The following OGT variants were observed in gnomAD, a reference collection of about 807,000 sequenced individuals.
OGT encodes the protein UDP-N-acetylglucosamine--peptide N-acetylglucosaminyltransferase 110 kDa subunit.
Under a neutral mutation model 75.8 loss-of-function variants are expected in OGT, and 3 were observed. The ratio of observed to expected loss-of-function variants is 0.04; its 90% CI spans 0.02 to 0.10. The LOEUF is 0.10. Among genes scored for constraint, OGT ranks in the 10% least tolerant of loss-of-function variants. OGT has a pLI of 1.00. For missense variants in OGT, 260 were observed against 824.4 expected (o/e 0.32, Z 8.38); for synonymous variants, 257 against 289.7 (o/e 0.89, Z 1.15).
intron 4 of OGT, chrX:71,546,534 C>T: frequency 1.3e-6 from 1 of 754,027 alleles, no homozygotes; most frequent in African/African-American, 2.3e-5. Flanking sequence ...TGCCTCCATG[C>T]CTGAATCTTC....
intron 17 of OGT, 40 bp from the exon 18 acceptor site, chrX:71,563,289 C>A: frequency 8.3e-7 from 1 of 1,197,675 alleles, no homozygotes; most frequent in Non-Finnish European, 1.1e-6. Flanking sequence ...AAGTTAACTG[C>A]ATTCACGATC....
intron 21 of OGT, among the ~76,000 whole-genome samples, chrX:71,571,010 G>A (rs1227718526): frequency 3.9e-5 from 4 of 103,344 alleles, no homozygotes; most frequent in Non-Finnish European, 7.9e-5. Flanking sequence ...CACCAATATT[G>A]CCCAGGCTGG....
chrX:71,539,601 A>G (rs1417294629), intron 3 of OGT, among the ~76,000 whole-genome samples: 1 of 112,195 alleles, frequency 8.9e-6, no homozygotes, highest in East Asian at 2.8e-4. Flanking sequence ...CTCAGTGTAT[A>G]TATATGTACA....
At position 71,538,015 on chromosome X, in the gene OGT, A is replaced by G; in HGVS notation, c.405A>G (p.Ala135=). ...TTAACCTGGCAGCCGCCTTGGTAGCAGCGGGTGACATGGAAGGGGCAGTAC... is the reference window on the plus strand; with the variant it reads ...TTAACCTGGCAGCCGCCTTGGTAGCGGCGGGTGACATGGAAGGGGCAGTAC... ...GYINLAAALV[A]AGDMEGAVQA... is the part of the protein sequence containing the mutation. Residue 135 remains alanine, a synonymous_variant, in exon 3 of 22, where the codon GCA becomes GCG. Transcript: ENST00000373719. 8.3e-7 allele frequency: 1 copy of G among 1,211,922 alleles called. No individual in the cohort carries two copies. Among genetic ancestry groups the G allele is most frequent in the African/African-American group, 1.7e-5 (1 of 57,890 alleles).
At position 71,573,841 on chromosome X, in the gene OGT, T is replaced by C. The variant is rs1247285810; in HGVS notation, c.*47T>C. On this transcript the variant is annotated 3_prime_UTR_variant, in exon 22 of 22. Coordinates refer to ENST00000373719, the MANE Select transcript of OGT (RefSeq NM_181672.3). ...TACCCCTATACCTGAGCCTCAACCT[T>C]CTGGGGGAAAGGGAACTAGATAACA... The C allele has an allele frequency of 4.8e-6, 5 of 1,031,158 alleles. No homozygotes were observed. The highest frequency in any genetic ancestry group is 5.2e-6 in the Non-Finnish European group (4 of 767,963). The allele number at this position is 1,031,158 out of a possible 1,213,427, so 85.0% of individuals were successfully genotyped here. A position where few individuals can be genotyped will look rare whatever the true frequency, so the allele number is the denominator to read the frequency against.
chrX:71,574,067 C>T lies in OGT; in HGVS notation c.*273C>T, dbSNP rs1449945046. The T allele has an allele frequency of 5.2e-6, 1 of 193,126 alleles. No individual in the cohort carries two copies. Among genetic ancestry groups the T allele is most frequent in the Non-Finnish European group, 9.5e-6 (1 of 105,515 alleles). 15.9% of individuals were successfully genotyped at this position (193,126 alleles called of 1,213,427 possible). ...GGAAGGTCTGATCTCCCTTGGTCTTCCATGGGATGGTTAGTGTGGAGGGGA... is the reference window on the plus strand; with the variant it reads ...GGAAGGTCTGATCTCCCTTGGTCTTTCATGGGATGGTTAGTGTGGAGGGGA... On this transcript the variant is annotated 3_prime_UTR_variant, in exon 22 of 22. Transcript: ENST00000373719.
At chrX:71,550,043 T>A (rs1238677040) in intron 5 of OGT, among the ~76,000 whole-genome samples, 1 of 112,216 alleles carries the variant, frequency 8.9e-6, no homozygotes, top group African/African-American at 3.2e-5. Context: ...TGTTTAAATC[T>A]ATGAGCTTAT....
chrX:71,567,412 T>TGTG, intron 19 of OGT, 88 bp from the exon 20 acceptor site: 3 of 764,367 alleles, frequency 3.9e-6, no homozygotes, highest in Non-Finnish European at 5.5e-6. Context: ...AAGAATAGAG[T>TGTG]GTGGTAGAAT....
At chrX:71,535,021 A>C (rs1175112674) in intron 1 of OGT, among the ~76,000 whole-genome samples, 5 of 111,155 alleles carry the variant, frequency 4.5e-5, no homozygotes, top group Non-Finnish European at 7.5e-5. Flanking sequence ...AGTCACCTTA[A>C]CCTTGGTAGA....
rs765010469 is a variant in OGT at position 71,549,771 on chromosome X, C to T, written c.648+1748C>T. The stretch of plus-strand genomic sequence containing the variant: ...GAGACCCTGTCTCAAAAAAAATGTA[C>T]TTTAGTAATTAAAAATGATTTTTAT... On this transcript the variant is annotated intron_variant, in intron 5 of 21. Coordinates refer to ENST00000373719, the MANE Select transcript of OGT (RefSeq NM_181672.3). Among the ~76,000 whole-genome samples the T allele has an allele frequency of 1.3e-4, 15 of 111,765 alleles. No homozygotes were observed. The South Asian group carries it at 5.6e-3, about 41-fold the overall frequency.
chrX:71,567,977 A>G lies in OGT; in HGVS notation c.2843-16A>G, dbSNP rs1569430825. On this transcript the variant is annotated splice_polypyrimidine_tract_variant and intron_variant, in intron 20 of 21. Transcript: ENST00000373719. ...TTACGTTCTCAGATGTGCAGTTGTT[A>G]TCTTTTGTATTACAGGAGAGACTCT... The G allele has an allele frequency of 8.3e-7, 1 of 1,202,086 alleles. No homozygotes were observed. Among genetic ancestry groups the G allele is most frequent in the Non-Finnish European group, 1.1e-6 (1 of 892,077 alleles).
Position 71,557,158 on chromosome X carries a change from G to A in OGT, c.1321-37G>A, listed in dbSNP as rs1392330284. The A allele has an allele frequency of 1.7e-5, 20 of 1,198,929 alleles. 1 individual carries two copies. Among genetic ancestry groups the A allele is most frequent in the Admixed American group, 8.8e-5 (4 of 45,301 alleles). ...GTTTAACACCTAAAATTTAACTTTT[G>A]GAAATTTTTTACCATCCTGCTTTAT... On this transcript the variant is annotated intron_variant, in intron 10 of 21. Coordinates refer to ENST00000373719, the MANE Select transcript of OGT (RefSeq NM_181672.3).
chrX:71,562,486 C>T (rs780250556), intron 15 of OGT, among the ~76,000 whole-genome samples: 2 of 111,868 alleles, frequency 1.8e-5, no homozygotes, highest in East Asian at 2.8e-4. Context: ...TCATTGCTTT[C>T]GGCTAAAGAA....
At chrX:71,557,779 C>G (rs1359003648) in intron 12 of OGT, 107 bp downstream of exon 12, 1 of 710,341 alleles carries the variant, frequency 1.4e-6, no homozygotes, top group Admixed American at 4.2e-5. Flanking sequence ...GTGAACACCA[C>G]CCAAGTCGAG....
chrX:71,571,039 A>G (rs1343984569), intron 21 of OGT, among the ~76,000 whole-genome samples: 1 of 107,696 alleles, frequency 9.3e-6, no homozygotes. Flanking sequence ...GGGCCCAAGC[A>G]GTCCACCCAC....
intron 1 of OGT, among the ~76,000 whole-genome samples, 168 bp from the exon 2 acceptor site, chrX:71,536,010 T>C (rs1292012533): frequency 1.8e-5 from 2 of 112,595 alleles, no homozygotes; most frequent in Non-Finnish European, 3.8e-5. Context: ...CTGCACTTGA[T>C]GTTAACTTGA....
At chrX:71,540,672 A>T (rs747097206) in intron 3 of OGT, among the ~76,000 whole-genome samples, 254 of 94,319 alleles carry the variant, frequency 2.7e-3, no homozygotes, top group Non-Finnish European at 3.4e-3. Flanking sequence ...TTAGTCTGTC[A>T]TTTTTTTTTT....
Position 71,557,759 on chromosome X carries a change from C to T in OGT, c.1602+87C>T, listed in dbSNP as rs750800543. The T allele has an allele frequency of 2.6e-4, 228 of 866,051 alleles. No individual in the cohort carries two copies. The Middle Eastern group carries it at 3.0e-3, about 11-fold the overall frequency. 71.4% of individuals were successfully genotyped at this position (866,051 alleles called of 1,213,427 possible). The stretch of plus-strand genomic sequence containing the variant: ...AAAATCAAATCTGTGGCTTAATGAA[C>T]GATTATAAAGTGAACACCACCCAAG... On this transcript the variant is annotated intron_variant, in intron 12 of 21. Coordinates refer to ENST00000373719, the MANE Select transcript of OGT (RefSeq NM_181672.3).
Position 71,563,112 on chromosome X carries a change from A to C in OGT, c.2149-18A>C. ...TGTAAATCCTAAAAGACATGTCTGA[A>C]ACTATTTTTTCCATTAGAAAAAAGC... On this transcript the variant is annotated intron_variant, in intron 16 of 21. Transcript: ENST00000373719. 10 of 1,201,671 alleles carry C rather than the reference A, an allele frequency of 8.3e-6. No homozygotes were observed. The highest frequency in any genetic ancestry group is 1.1e-5 in the Non-Finnish European group (10 of 886,553).
Sources: gnomAD v4.1 joint callset for allele counts (sites outside exome capture counted in the v4.1 genomes callset) on GRCh38, gnomAD v4.1.1 for gene constraint, MANE v1.5 for transcripts, NCBI Gene and HGNC (gene_info 2026-07-23, HGNC 2026-07-21) for gene names.